MPHOSPH9: variants seen among roughly 807,000 people sequenced by gnomAD.
MPHOSPH9 encodes the protein M-phase phosphoprotein 9.
In MPHOSPH9, 88 loss-of-function variants were observed where a neutral mutation model predicts 145.5. That is an observed-to-expected ratio of 0.60 (90% CI 0.51 to 0.72). The LOEUF (loss-of-function observed/expected upper bound fraction) is 0.72, where lower values mean the gene tolerates loss of function less well. Ranked by LOEUF, MPHOSPH9 falls within the 30% of genes least tolerant of loss-of-function variation. MPHOSPH9 has a pLI of 0.00. For missense variants in MPHOSPH9, 1,238 were observed against 1,386.6 expected (o/e 0.89, Z 1.70); for synonymous variants, 435 against 486.2 (o/e 0.89, Z 1.39).
At chr12:123,189,777 A>G (rs2045595523) in intron 13 of MPHOSPH9, among the ~76,000 whole-genome samples, 1 of 151,914 alleles carries the variant, frequency 6.6e-6, no homozygotes, top group Non-Finnish European at 1.5e-5. Flanking sequence ...TACTAAAAAT[A>G]CCAAAAAAAT....
At chr12:123,242,582 T>C (rs2047958066) in intron 1 of MPHOSPH9, among the ~76,000 whole-genome samples, 1 of 152,160 alleles carries the variant, frequency 6.6e-6, no homozygotes. Context: ...GTGTCTAGAA[T>C]TGTCTGATTG....
Position 123,187,542 on chromosome 12 carries a change from T to A in MPHOSPH9, c.2242-6332A>T, listed in dbSNP as rs1335684080. Among the ~76,000 whole-genome samples, 42 of 151,828 alleles carry A rather than the reference T, an allele frequency of 2.8e-4. No homozygotes were observed. In the South Asian group the frequency reaches 8.5e-3, roughly 31 times the overall value. On this transcript the variant is annotated intron_variant, in intron 13 of 23. Transcript: ENST00000606320. ...TATGAAACAAAACAAAGCCAAGAAA[T>A]AGGCAAAATAATTTTTACAAGAGCA...
At chr12:123,164,117 C>G (rs2044218054) in intron 18 of MPHOSPH9, 27 bp from the exon 19 acceptor site, 1 of 1,612,900 alleles carries the variant, frequency 6.2e-7, no homozygotes, top group Non-Finnish European at 8.5e-7. Context: ...AAAAGCAAAA[C>G]AAAAAACAAA....
chr12:123,161,491 T>G, intron 21 of MPHOSPH9, 108 bp from the exon 22 acceptor site: 1 of 1,202,524 alleles, frequency 8.3e-7, no homozygotes, highest in Non-Finnish European at 1.2e-6. Context: ...AGCTGCTATG[T>G]GGCCCAAAAA....
intron 19 of MPHOSPH9, 93 bp from the exon 20 acceptor site, chr12:123,163,227 G>C: frequency 7.7e-7 from 1 of 1,303,528 alleles, no homozygotes; most frequent in South Asian, 1.5e-5. Context: ...AATTTTGAAA[G>C]GAATATAATT....
At chr12:123,225,616 CAA>C (rs562859948) in intron 3 of MPHOSPH9, among the ~76,000 whole-genome samples, 1 of 143,078 alleles carries the variant, frequency 7.0e-6, no homozygotes, top group Non-Finnish European at 1.5e-5. Context: ...ATGCTAATGT[CAA>C]AAAAAAAAGG....
rs1254541758 is a variant in MPHOSPH9, at chr12:123,223,059, C to A, written c.327G>T (p.Glu109Asp). ...QCQEQIVAQQ[E>D]QFHNQIQHIQ... is the part of the protein sequence containing the mutation. ...TTACTTGAATTTGGTTGTGGAACTG[C>A]TCCTGCTGGGCAACTATCTGTTCTT... Residue 109 changes from glutamate to aspartate, a missense_variant, in exon 4 of 24, where the codon GAG becomes GAT. Physicochemically the swap from Glu to Asp is conservative, Grantham distance 45 (BLOSUM62 2). Transcript: ENST00000606320. The A allele has an allele frequency of 1.3e-6, 2 of 1,516,126 alleles. No homozygotes were observed. The highest frequency in any genetic ancestry group is 3.4e-4 in the Middle Eastern group (2 of 5,912). The allele number at this position is 1,516,126 out of a possible 1,614,324, so 93.9% of individuals were successfully genotyped here. A position where few individuals can be genotyped will look rare whatever the true frequency, so the allele number is the denominator to read the frequency against.
At chr12:123,227,783 C>T (rs757808444) in intron 2 of MPHOSPH9, among the ~76,000 whole-genome samples, 167 bp from the exon 3 acceptor site, 3 of 152,138 alleles carry the variant, frequency 2.0e-5, no homozygotes, top group East Asian at 3.8e-4. Flanking sequence ...CAAAAGGAAA[C>T]GGCCAGTAAA....
chr12:123,186,806 C>T (rs934429341), intron 13 of MPHOSPH9, among the ~76,000 whole-genome samples: 46 of 152,134 alleles, frequency 3.0e-4, no homozygotes, highest in Admixed American at 7.2e-4. Context: ...ACTAAAAATG[C>T]AAAAATTAGC....
chr12:123,207,354 C>A (rs1023640118), intron 8 of MPHOSPH9, among the ~76,000 whole-genome samples: 1 of 151,988 alleles, frequency 6.6e-6, no homozygotes, highest in Admixed American at 6.6e-5. Context: ...TCTTACCCCC[C>A]TCATACTTCA....
chr12:123,243,614 A>G (rs1243232489), intron 1 of MPHOSPH9, among the ~76,000 whole-genome samples: 2 of 151,930 alleles, frequency 1.3e-5, no homozygotes, highest in African/African-American at 2.4e-5. Flanking sequence ...CTGAGGCAGG[A>G]GAATCACTTG....
chr12:123,190,154 CTCT>C (rs2045613379), intron 13 of MPHOSPH9, among the ~76,000 whole-genome samples: 1 of 150,562 alleles, frequency 6.6e-6, no homozygotes, highest in Non-Finnish European at 1.5e-5. Flanking sequence ...TATTTTATTT[CTCT>C]TTTTTTTTTT....
chr12:123,176,555 T>C (rs1231945065), intron 16 of MPHOSPH9, 133 bp downstream of exon 16: 7 of 636,094 alleles, frequency 1.1e-5, no homozygotes, highest in Non-Finnish European at 1.9e-5. Context: ...TGTTCAGTAA[T>C]TAATCTAACA....
chr12:123,210,725 A>T (rs2046665960), intron 7 of MPHOSPH9, among the ~76,000 whole-genome samples: 2 of 151,634 alleles, frequency 1.3e-5, no homozygotes, highest in Non-Finnish European at 2.9e-5. Context: ...TAATAAAATA[A>T]ATTTTTTTAT....
rs185881822 is a variant in MPHOSPH9 at position 123,201,016 on chromosome 12, T to C, written c.1937+1148A>G. ...AAAAAACCAACTTCCCATAACCTGC[T>C]ATCTACTGTTTGTGTCGTAAAAAAC... On this transcript the variant is annotated intron_variant, in intron 11 of 23. Transcript: ENST00000606320. Among the ~76,000 whole-genome samples the C allele has an allele frequency of 8.2e-4, 125 of 152,270 alleles. 2 individuals carry two copies. The highest frequency in any genetic ancestry group is 2.6e-3 in the African/African-American group (110 of 41,560).
Position 123,164,007 on chromosome 12 carries a change from A to T in MPHOSPH9, c.2851T>A (p.Ser951Thr). Residue 951 changes from serine (S) to threonine (T), a missense_variant, in exon 19 of 24, where the codon TCG becomes ACG. Physicochemically the swap from Ser to Thr is moderately conservative, Grantham distance 58 (BLOSUM62 1). Transcript: ENST00000606320. ...AAAGATGATGATCTCTGTGAGGCCG[A>T]ATTAAGTCTCTTTTGTCTCTGTTGG... is the stretch of plus-strand genomic sequence containing the variant. ...CAQQRQKRLN[S>T]ASQRSSSLPP... The T allele has an allele frequency of 6.2e-7, 1 of 1,614,146 alleles. No individual in the cohort carries two copies. Among genetic ancestry groups the T allele is most frequent in the Non-Finnish European group, 8.5e-7 (1 of 1,180,018 alleles).
At chr12:123,153,911 T>G (rs948851228), downstream of MPHOSPH9, among the ~76,000 whole-genome samples, 5 of 152,220 alleles carry the variant, frequency 3.3e-5, no homozygotes, top group Non-Finnish European at 5.9e-5. Flanking sequence ...TTATTTCATC[T>G]TATAGCTGAG....
chr12:123,166,459 G>C, intron 17 of MPHOSPH9, 196 bp downstream of exon 17: 1 of 663,172 alleles, frequency 1.5e-6, no homozygotes. Flanking sequence ...ACTGAGCACA[G>C]GTGGGGAAGC....
At chr12:123,176,626 CT>C in intron 16 of MPHOSPH9, 61 bp downstream of exon 16, 1 of 1,247,324 alleles carries the variant, frequency 8.0e-7, no homozygotes, top group Non-Finnish European at 1.2e-6. Flanking sequence ...AGATGAGTTT[CT>C]CGTCTTAATA....
Sources: allele counts gnomAD v4.1 joint callset (sites outside exome capture counted in the v4.1 genomes callset), GRCh38; gene constraint gnomAD v4.1.1; transcripts MANE v1.5; gene names NCBI Gene and HGNC (gene_info 2026-07-23, HGNC 2026-07-21).